The following ST3GAL3 variants were observed in gnomAD, a reference collection of about 807,000 sequenced individuals.
The protein encoded by ST3GAL3 is CMP-N-acetylneuraminate-beta-1,4-galactoside alpha-2,3-sialyltransferase.
In ST3GAL3, 21 loss-of-function variants were observed where a neutral mutation model predicts 50.1. That is an observed-to-expected ratio of 0.42 (90% CI 0.30 to 0.60). ST3GAL3 has a LOEUF of 0.60. Among genes scored for constraint, ST3GAL3 ranks in the 20% least tolerant of loss-of-function variants. ST3GAL3 has a pLI of 0.19. For synonymous variants in ST3GAL3, 183 were observed against 190.0 expected, an observed-to-expected ratio of 0.96 and a Z score of 0.30; for missense variants, 353 against 489.4, an observed-to-expected ratio of 0.72 and a Z score of 2.63.
chr1:43,834,684 T>C (rs916850349), intron 4 of ST3GAL3, among the ~76,000 whole-genome samples: 7 of 152,132 alleles, frequency 4.6e-5, no homozygotes, highest in African/African-American at 1.7e-4. Context: ...CCACTAGATA[T>C]CATGTGGTGA....
chr1:43,822,408 T>A (rs1270022416), intron 4 of ST3GAL3, among the ~76,000 whole-genome samples: 1 of 152,230 alleles, frequency 6.6e-6, no homozygotes, highest in Non-Finnish European at 1.5e-5. Context: ...TGTGGTGTTT[T>A]ACAGTTGCCA....
At chr1:43,749,018 T>C in intron 2 of ST3GAL3, among the ~76,000 whole-genome samples, 1 of 152,186 alleles carries the variant, frequency 6.6e-6, no homozygotes, top group East Asian at 1.9e-4. Context: ...TGGTGAAAGA[T>C]CAGTAGACAG....
rs377132631 is a variant in ST3GAL3 at position 43,891,320 on chromosome 1, A to G, written c.303-3063A>G. On this transcript the variant is annotated intron_variant, in intron 5 of 11. Coordinates refer to ENST00000347631, the MANE Select transcript of ST3GAL3 (RefSeq NM_006279.5). Reference sequence around the variant, plus strand: ...CTCAGTGGCTCACGCCTGTAATCCCAGCACTTTGGGAGGCCAAGGCGGGTG... The same window carrying G: ...CTCAGTGGCTCACGCCTGTAATCCCGGCACTTTGGGAGGCCAAGGCGGGTG... Among the ~76,000 whole-genome samples, 112 of 152,388 alleles carry G rather than the reference A, an allele frequency of 7.3e-4. 5 individuals carry two copies. The South Asian group carries it at 0.023, about 31-fold the overall frequency.
At chr1:43,734,356 G>A (rs1386135190) in intron 1 of ST3GAL3, among the ~76,000 whole-genome samples, 1 of 138,256 alleles carries the variant, frequency 7.2e-6, no homozygotes, top group Non-Finnish European at 1.5e-5. Flanking sequence ...CCAGGCTGGA[G>A]TACAGTGGCA....
chr1:43,816,087 T>C lies in ST3GAL3; in HGVS notation c.209+1154T>C, dbSNP rs546659356. Reference sequence around the variant, plus strand: ...ACCTTACTACCTACTGTGATTCCTTTCTATTGTTAGTCATCTTTGTGCACC... The same window carrying C: ...ACCTTACTACCTACTGTGATTCCTTCCTATTGTTAGTCATCTTTGTGCACC... On this transcript the variant is annotated intron_variant, in intron 4 of 11. Coordinates refer to ENST00000347631, the MANE Select transcript of ST3GAL3 (RefSeq NM_006279.5). Among the ~76,000 whole-genome samples the C allele has an allele frequency of 1.6e-3, 246 of 152,306 alleles. 3 individuals carry two copies. Among genetic ancestry groups the C allele is most frequent in the South Asian group, 2.5e-3 (12 of 4,826 alleles).
chr1:43,723,865 G>A (rs1215699458), intron 1 of ST3GAL3, among the ~76,000 whole-genome samples: 4 of 152,108 alleles, frequency 2.6e-5, no homozygotes, highest in Admixed American at 6.6e-5. Flanking sequence ...GCCCGCCTCG[G>A]CCTCCCAAAG....
rs1387806511 is a variant in ST3GAL3 at position 43,763,992 on chromosome 1, T to C, written c.118+27612T>C. Among the ~76,000 whole-genome samples the C allele has an allele frequency of 3.7e-4, 57 of 152,226 alleles. 1 individual carries two copies. The highest frequency in any genetic ancestry group is 3.7e-3 in the Admixed American group (57 of 15,282). On this transcript the variant is annotated intron_variant, in intron 2 of 11. Transcript: ENST00000347631. ...ACGTTGAGTCCTGGCTATGTGACTTTGGGTCATTTCTTAACTGTCATTTAT... is the reference window on the plus strand; with the variant it reads ...ACGTTGAGTCCTGGCTATGTGACTTCGGGTCATTTCTTAACTGTCATTTAT...
intron 2 of ST3GAL3, among the ~76,000 whole-genome samples, chr1:43,784,004 T>C (rs1470844119): frequency 6.6e-6 from 1 of 152,166 alleles, no homozygotes; most frequent in Non-Finnish European, 1.5e-5. Flanking sequence ...GTCACATGCA[T>C]TTTTACCTCC....
Position 43,920,924 on chromosome 1 carries a change from A to C in ST3GAL3, c.1034A>C (p.Lys345Thr). 1.2e-6 allele frequency: 2 copies of C among 1,611,626 alleles called. No individual in the cohort carries two copies. Among genetic ancestry groups the C allele is most frequent in the Non-Finnish European group, 1.7e-6 (2 of 1,178,726 alleles). The change falls in exon 11 of 12, where the codon AAA (lysine) becomes ACA (threonine). Residue 345 changes from lysine to threonine, a missense_variant. Physicochemically the swap from Lys to Thr is moderately conservative, Grantham distance 78 (BLOSUM62 -1). Coordinates refer to ENST00000347631, the MANE Select transcript of ST3GAL3 (RefSeq NM_006279.5). ...YYETVRMAAIKESWTHNIQRE... is the reference protein window; with the variant it reads ...YYETVRMAAITESWTHNIQRE... ...GAGACCGTTCGCATGGCAGCCATCA[A>C]AGAGGTTCGGGGCTGGGTATGGGGG...
chr1:43,879,037 A>G (rs1377162177), intron 5 of ST3GAL3: 7 of 456,180 alleles, frequency 1.5e-5, no homozygotes, highest in African/African-American at 4.0e-5. Flanking sequence ...AGAAAACAAG[A>G]GAAGATGACA....
At chr1:43,859,084 T>C (rs1373621036) in intron 5 of ST3GAL3, among the ~76,000 whole-genome samples, 1 of 151,678 alleles carries the variant, frequency 6.6e-6, no homozygotes, top group Non-Finnish European at 1.5e-5. Flanking sequence ...GCCCCCAGAG[T>C]GTGGATGAGA....
At chr1:43,713,750 G>C (rs1665935074) in intron 1 of ST3GAL3, among the ~76,000 whole-genome samples, 2 of 152,084 alleles carry the variant, frequency 1.3e-5, no homozygotes, top group African/African-American at 4.8e-5. Flanking sequence ...TGCCCACGCT[G>C]GTCTCGAGCT....
chr1:43,792,477 A>AC (rs2058197685), intron 3 of ST3GAL3, among the ~76,000 whole-genome samples: 1 of 152,198 alleles, frequency 6.6e-6, no homozygotes, highest in East Asian at 1.9e-4. Flanking sequence ...GCATTGAAAG[A>AC]CCCCAGGCTG....
chr1:43,754,714 C>T (rs1279782568), intron 2 of ST3GAL3, among the ~76,000 whole-genome samples: 8 of 152,048 alleles, frequency 5.3e-5, no homozygotes, highest in Non-Finnish European at 1.0e-4. Context: ...AGCAGCACTT[C>T]GGGAAGATGA....
chr1:43,825,074 G>A (rs1449814391), intron 4 of ST3GAL3, among the ~76,000 whole-genome samples: 1 of 152,176 alleles, frequency 6.6e-6, no homozygotes, highest in Admixed American at 6.5e-5. Flanking sequence ...TTCTGATTTA[G>A]TTGGTCAGGA....
At chr1:43,751,583 T>A (rs1277013316) in intron 2 of ST3GAL3, among the ~76,000 whole-genome samples, 1 of 152,234 alleles carries the variant, frequency 6.6e-6, no homozygotes, top group Non-Finnish European at 1.5e-5. Context: ...AAGGATGATC[T>A]TTTTCACTTA....
chr1:43,880,697 C>T (rs988928272), intron 5 of ST3GAL3, among the ~76,000 whole-genome samples: 1 of 152,194 alleles, frequency 6.6e-6, no homozygotes, highest in Non-Finnish European at 1.5e-5. Flanking sequence ...TTTCCCTCCT[C>T]AACCCCTGCA....
At chr1:43,830,674 T>C (rs2063424297) in intron 4 of ST3GAL3, among the ~76,000 whole-genome samples, 1 of 152,194 alleles carries the variant, frequency 6.6e-6, no homozygotes, top group Non-Finnish European at 1.5e-5. Context: ...TTTTATGAGA[T>C]ATAGCCCTTC....
At chr1:43,878,795 G>A (rs921681512) in intron 5 of ST3GAL3, among the ~76,000 whole-genome samples, 8 of 152,174 alleles carry the variant, frequency 5.3e-5, no homozygotes, top group East Asian at 1.9e-4. Flanking sequence ...GAGCAGACAC[G>A]GTAGTTTTGA....
Sources: gnomAD v4.1 joint callset for allele counts (sites outside exome capture counted in the v4.1 genomes callset) on GRCh38, gnomAD v4.1.1 for gene constraint, MANE v1.5 for transcripts, NCBI Gene and HGNC (gene_info 2026-07-23, HGNC 2026-07-21) for gene names.